Variants in MEIS2 observed in about 807,000 individuals in gnomAD.
MEIS2 encodes the protein Meis homeobox 2.
Under a neutral mutation model 58.6 loss-of-function variants are expected in MEIS2, and 9 were observed. That is an observed-to-expected ratio of 0.15 (90% confidence interval 0.09 to 0.27). The LOEUF is 0.27. Ranked by LOEUF, MEIS2 falls within the 10% of genes least tolerant of loss-of-function variation. The pLI, the probability that MEIS2 is intolerant of heterozygous loss-of-function variation, is 1.00. For missense variants in MEIS2, 427 were observed against 635.0 expected, an observed-to-expected ratio of 0.67 and a Z score of 3.52; for synonymous variants, 221 against 228.4, an observed-to-expected ratio of 0.97 and a Z score of 0.29.
chr15:37,043,615 C>T (rs1372854850), intron 7 of MEIS2, among the ~76,000 whole-genome samples: 2 of 151,180 alleles, frequency 1.3e-5, no homozygotes, highest in African/African-American at 4.9e-5. Context: ...TTTACATATG[C>T]AAATTTCTAT....
chr15:37,026,914 AAT>A (rs2061727500), intron 8 of MEIS2, among the ~76,000 whole-genome samples: 1 of 152,212 alleles, frequency 6.6e-6, no homozygotes, highest in Non-Finnish European at 1.5e-5. Context: ...AAACAACTTA[AAT>A]TTGTTCTGGC....
chr15:37,095,803 C>A, intron 3 of MEIS2, 189 bp from the exon 4 acceptor site: 1 of 783,608 alleles, frequency 1.3e-6, no homozygotes, highest in South Asian at 1.8e-5. Flanking sequence ...TGGTCCTGGC[C>A]CCATTAAGGG....
intron 8 of MEIS2, among the ~76,000 whole-genome samples, chr15:36,956,699 C>G (rs931403582): frequency 6.6e-6 from 1 of 151,958 alleles, no homozygotes; most frequent in Non-Finnish European, 1.5e-5. Flanking sequence ...AAAGCAGAGC[C>G]AACAGATACA....
intron 8 of MEIS2, among the ~76,000 whole-genome samples, chr15:36,996,067 A>T (rs1405068851): frequency 1.6e-5 from 1 of 62,854 alleles, no homozygotes; most frequent in Non-Finnish European, 4.0e-5. Context: ...ACACACACAT[A>T]TATATATATA....
At chr15:37,095,638 T>C (rs1894134391) in intron 3 of MEIS2, 24 bp from the exon 4 acceptor site, 1 of 1,614,156 alleles carries the variant, frequency 6.2e-7, no homozygotes, top group South Asian at 1.1e-5. Flanking sequence ...AGAGTCAACT[T>C]GAACGATCAC....
chr15:36,901,541 A>G (rs1164195547), intron 9 of MEIS2, among the ~76,000 whole-genome samples: 1 of 152,192 alleles, frequency 6.6e-6, no homozygotes. Flanking sequence ...AGTAAGGTAA[A>G]TGAATGAGAT....
chr15:37,083,037 T>A (rs1006953439), intron 7 of MEIS2, among the ~76,000 whole-genome samples: 3 of 152,174 alleles, frequency 2.0e-5, no homozygotes, highest in Non-Finnish European at 2.9e-5. Flanking sequence ...CAATAATGCA[T>A]CTTCCTTTAA....
intron 7 of MEIS2, 61 bp downstream of exon 7, chr15:37,083,710 A>G (rs570648191): frequency 6.8e-5 from 97 of 1,420,780 alleles, no homozygotes; most frequent in Non-Finnish European, 8.5e-5. Context: ...CTGATATCAT[A>G]AAATACTGAA....
intron 8 of MEIS2, among the ~76,000 whole-genome samples, chr15:36,996,334 G>A (rs1333486725): frequency 1.3e-5 from 2 of 151,972 alleles, no homozygotes; most frequent in African/African-American, 4.8e-5. Flanking sequence ...GGCAGCTTTG[G>A]GGCAGTCATC....
chr15:37,030,801 C>T (rs2061889195), intron 8 of MEIS2, among the ~76,000 whole-genome samples: 1 of 151,324 alleles, frequency 6.6e-6, no homozygotes, highest in South Asian at 2.1e-4. Flanking sequence ...CCACCATGCC[C>T]AGCCAATTAA....
Position 36,890,270 on chromosome 15 carries a change from C to T in MEIS2, c.*1903G>A, listed in dbSNP as rs1467499259. 2.6e-5 allele frequency: 4 copies of T among 152,110 alleles called. No individual in the cohort carries two copies. The highest frequency in any genetic ancestry group is 4.8e-5 in the African/African-American group (2 of 41,410). 9.4% of individuals were successfully genotyped at this position (152,110 alleles called of 1,614,324 possible). On this transcript the variant is annotated 3_prime_UTR_variant, in exon 12 of 12. Transcript: ENST00000561208. ...GAAAATTGAGGGGACATGCCTCACCCTTTTTGCACACTTTAGCAGACATTG... is the reference window on the plus strand; with the variant it reads ...GAAAATTGAGGGGACATGCCTCACCTTTTTTGCACACTTTAGCAGACATTG...
intron 8 of MEIS2, among the ~76,000 whole-genome samples, chr15:37,000,359 G>A (rs77745257): frequency 1.1e-4 from 16 of 152,148 alleles, no homozygotes; most frequent in African/African-American, 3.9e-4. Context: ...ATAAGGACTG[G>A]AGGTCTCTTT....
chr15:37,039,833 A>C (rs926006120), intron 7 of MEIS2, among the ~76,000 whole-genome samples: 12 of 152,246 alleles, frequency 7.9e-5, no homozygotes, highest in African/African-American at 2.7e-4. Context: ...TTAAACTAAT[A>C]TATGTTTATA....
Position 36,890,588 on chromosome 15 carries a change from A to T in MEIS2, c.*1585T>A, listed in dbSNP as rs1375192121. The stretch of plus-strand genomic sequence containing the variant: ...CACCCATATGTAAATTTTCATTTAC[A>T]TATCCAACAATATTGTAGTAAGACA... On this transcript the variant is annotated 3_prime_UTR_variant, in exon 12 of 12. Transcript: ENST00000561208. The T allele has an allele frequency of 6.6e-6, 1 of 152,232 alleles. No individual in the cohort carries two copies. The allele number at this position is 152,232 out of a possible 1,614,324, so 9.4% of individuals were successfully genotyped here. A position where few individuals can be genotyped will look rare whatever the true frequency, so the allele number is the denominator to read the frequency against.
At chr15:37,045,102 G>A (rs780299654) in intron 7 of MEIS2, among the ~76,000 whole-genome samples, 11 of 152,170 alleles carry the variant, frequency 7.2e-5, no homozygotes, top group Non-Finnish European at 1.2e-4. Flanking sequence ...CAGAGATGAT[G>A]TGAGACACAT....
intron 8 of MEIS2, chr15:37,036,556 T>C: frequency 3.2e-6 from 1 of 312,042 alleles, no homozygotes; most frequent in South Asian, 7.1e-5. Context: ...TTTACTTATA[T>C]ATGCTGTTTA....
At chr15:36,999,235 G>C (rs917977778) in intron 8 of MEIS2, among the ~76,000 whole-genome samples, 1 of 152,074 alleles carries the variant, frequency 6.6e-6, no homozygotes, top group African/African-American at 2.4e-5. Flanking sequence ...TTAATATATA[G>C]AGTGTCTACT....
intron 6 of MEIS2, among the ~76,000 whole-genome samples, chr15:37,092,876 T>TA (rs1893718069): frequency 6.6e-6 from 1 of 151,938 alleles, no homozygotes; most frequent in Admixed American, 6.6e-5. Context: ...CACCAACTGT[T>TA]AAAGTGTTAA....
At position 37,098,194 on chromosome 15, in the gene MEIS2, A is replaced by T. The variant is rs748786042; in HGVS notation, c.18T>A (p.Asp6Glu). ...CCATCCCGCCGTAATGGGGCAGCTCATCGTACTGTCAGAACCCGGGAAGGG... is the reference window on the plus strand; with the variant it reads ...CCATCCCGCCGTAATGGGGCAGCTCTTCGTACTGTCAGAACCCGGGAAGGG... The part of the protein sequence containing the change: MAQRY[D>E]ELPHYGGMDG... Residue 6 changes from aspartate (D) to glutamate (E), a missense_variant, in exon 2 of 12, where the codon GAT (aspartate) becomes GAA (glutamate). Asp to Glu is a conservative substitution (Grantham distance 45, BLOSUM62 2). This residue lies in a region of MEIS2 where 103 missense variants were observed against 111.8 expected (regional missense o/e 0.92). Coordinates refer to ENST00000561208, the MANE Select transcript of MEIS2 (RefSeq NM_170675.5). The T allele has an allele frequency of 1.9e-5, 30 of 1,598,652 alleles. No homozygotes were observed. Among genetic ancestry groups the T allele is most frequent in the Non-Finnish European group, 2.5e-5 (29 of 1,170,468 alleles).
Sources: allele counts gnomAD v4.1 joint callset (sites outside exome capture counted in the v4.1 genomes callset), GRCh38; gene constraint gnomAD v4.1.1; regional missense constraint gnomAD v4.1.1; transcripts MANE v1.5; gene names NCBI Gene and HGNC (gene_info 2026-07-23, HGNC 2026-07-21).